The following ARFGAP3 variants were observed in gnomAD, a reference collection of about 807,000 sequenced individuals.
ARFGAP3 encodes ARF GTPase activating protein 3, also known as ADP-ribosylation factor GTPase-activating protein 3.
In ARFGAP3, 72 loss-of-function variants were observed where a neutral mutation model predicts 75.0. That is an observed-to-expected ratio of 0.96 (90% CI 0.79 to 1.17). ARFGAP3 has a LOEUF of 1.17. Among genes scored for constraint, ARFGAP3 ranks in the 50% most tolerant of loss-of-function variants. The pLI, the probability that ARFGAP3 is intolerant of heterozygous loss-of-function variation, is 0.00. For missense variants in ARFGAP3, 620 were observed against 626.6 expected (o/e 0.99, Z 0.11); for synonymous variants, 221 against 217.9 (o/e 1.01, Z -0.13).
chr22:42,804,525 GC>G (rs542746146), intron 14 of ARFGAP3, among the ~76,000 whole-genome samples: 7 of 152,108 alleles, frequency 4.6e-5, no homozygotes, highest in African/African-American at 1.7e-4. Context: ...GGGACTACAG[GC>G]ACATGCCACC....
chr22:42,811,474 T>C (rs932191331), intron 11 of ARFGAP3, among the ~76,000 whole-genome samples: 8 of 152,244 alleles, frequency 5.3e-5, no homozygotes, highest in African/African-American at 1.7e-4. Flanking sequence ...ATAACACTGC[T>C]GGGCCTAGAG....
chr22:42,821,248 C>T (rs779977283), intron 9 of ARFGAP3, among the ~76,000 whole-genome samples: 2 of 152,196 alleles, frequency 1.3e-5, no homozygotes, highest in South Asian at 4.1e-4. Flanking sequence ...AATTCACATA[C>T]CGTAAAACTC....
chr22:42,841,001 A>T lies in ARFGAP3; in HGVS notation c.204T>A (p.Asp68Glu). ...HLSFIRSTEL[D>E]SNWSWFQLRC... ...GCAACTGAAACCATGACCAGTTGGA[A>T]TCCAACTCTGTAGATCTAAATGGAA... Residue 68 changes from aspartate to glutamate, a missense_variant, in exon 3 of 16, where the codon GAT becomes GAA. Physicochemically the swap from Asp to Glu is conservative, Grantham distance 45. Coordinates refer to ENST00000263245, the MANE Select transcript of ARFGAP3 (RefSeq NM_014570.5). The T allele has an allele frequency of 1.2e-6, 2 of 1,614,076 alleles. No homozygotes were observed.
At chr22:42,825,447 G>GCAGAT (rs1416378039) in intron 7 of ARFGAP3, among the ~76,000 whole-genome samples, 1 of 152,078 alleles carries the variant, frequency 6.6e-6, no homozygotes, top group African/African-American at 2.4e-5. Flanking sequence ...GCCAAGGCGG[G>GCAGAT]CAGATCACCT....
At chr22:42,813,826 C>T (rs1925470413) in intron 11 of ARFGAP3, among the ~76,000 whole-genome samples, 1 of 152,224 alleles carries the variant, frequency 6.6e-6, no homozygotes, top group Non-Finnish European at 1.5e-5. Flanking sequence ...CCACTAGTCC[C>T]TGCTCAGAAA....
chr22:42,823,757 T>C, intron 7 of ARFGAP3, 55 bp from the exon 8 acceptor site: 2 of 1,416,778 alleles, frequency 1.4e-6, no homozygotes, highest in Non-Finnish European at 1.9e-6. Flanking sequence ...TTTTCTTTTT[T>C]AGTGTGTCTT....
intron 7 of ARFGAP3, among the ~76,000 whole-genome samples, chr22:42,825,939 C>T (rs1926018976): frequency 6.6e-6 from 1 of 152,048 alleles, no homozygotes; most frequent in Admixed American, 6.5e-5. Flanking sequence ...CAAAAGATAA[C>T]AATCTTTAGC....
intron 3 of ARFGAP3, 108 bp downstream of exon 3, chr22:42,840,836 G>T: frequency 8.6e-7 from 1 of 1,165,588 alleles, no homozygotes; most frequent in Non-Finnish European, 1.2e-6. Flanking sequence ...CTCCCAAATG[G>T]CTGAGATTAC....
chr22:42,854,431 C>A (rs1927410637), intron 1 of ARFGAP3, among the ~76,000 whole-genome samples: 2 of 152,118 alleles, frequency 1.3e-5, no homozygotes, highest in Admixed American at 6.5e-5. Flanking sequence ...TTGAGACCAG[C>A]CTGGCCAATA....
intron 4 of ARFGAP3, 120 bp downstream of exon 4, chr22:42,835,242 G>T: frequency 8.7e-7 from 1 of 1,144,886 alleles, no homozygotes; most frequent in Non-Finnish European, 1.2e-6. Context: ...AGAATCTACT[G>T]TACACTAATT....
At chr22:42,852,659 C>T (rs1320694338) in intron 1 of ARFGAP3, among the ~76,000 whole-genome samples, 1 of 152,124 alleles carries the variant, frequency 6.6e-6, no homozygotes, top group Non-Finnish European at 1.5e-5. Context: ...CTGTGTCTGG[C>T]CGAAATTCTT....
At chr22:42,855,629 G>A (rs1413147856) in intron 1 of ARFGAP3, among the ~76,000 whole-genome samples, 1 of 151,848 alleles carries the variant, frequency 6.6e-6, no homozygotes, top group Non-Finnish European at 1.5e-5. Context: ...GTTGCAGTGA[G>A]CTGAGATCGC....
At chr22:42,856,538 G>A (rs1927508873) in intron 1 of ARFGAP3, among the ~76,000 whole-genome samples, 1 of 152,102 alleles carries the variant, frequency 6.6e-6, no homozygotes, top group African/African-American at 2.4e-5. Flanking sequence ...AAAGAGAACC[G>A]AGGAGAGGGA....
chr22:42,804,776 A>G (rs373343042), intron 14 of ARFGAP3, among the ~76,000 whole-genome samples: 2 of 152,294 alleles, frequency 1.3e-5, no homozygotes, highest in Non-Finnish European at 1.5e-5. Context: ...TCGGCCTCCC[A>G]AAGTGTTGGG....
At chr22:42,797,662 C>CA in intron 15 of ARFGAP3, 57 bp from the exon 16 acceptor site, 1 of 1,613,854 alleles carries the variant, frequency 6.2e-7, no homozygotes, top group Non-Finnish European at 8.5e-7. Flanking sequence ...CCCTGACTCC[C>CA]ACGCCCTGAA....
Position 42,832,392 on chromosome 22 carries a change from G to T in ARFGAP3, c.478-756C>A, listed in dbSNP as rs905959594. Among the ~76,000 whole-genome samples, 20 of 151,620 alleles carry T rather than the reference G, an allele frequency of 1.3e-4. 1 individual carries two copies. The highest frequency in any genetic ancestry group is 4.8e-4 in the African/African-American group (20 of 41,272). ...AAATTACAAAAAAAATTAGCCAGGC[G>T]TGGTGGTGTGGGCCTGTAATCCCAA... On this transcript the variant is annotated intron_variant, in intron 5 of 15. Transcript: ENST00000263245.
chr22:42,835,375 T>C lies in ARFGAP3; in HGVS notation c.380A>G (p.Lys127Arg). ...IKSLASQATR[K>R]HGTDLWLDSC... ...CCAGTGACTTACATCAGTGCCATGC[T>C]TCCGTGTTGCTTGAGAGGCGAGCGA... The change falls in exon 4 of 16, where the codon AAG (lysine) becomes AGG (arginine). Residue 127 changes from lysine (K) to arginine (R), a missense_variant. Transcript: ENST00000263245. The C allele has an allele frequency of 6.2e-7, 1 of 1,614,056 alleles. No homozygotes were observed.
At position 42,810,948 on chromosome 22, in the gene ARFGAP3, T is replaced by C. The variant is rs1925344290; in HGVS notation, c.1065-4A>G. 6.2e-7 allele frequency: 1 copy of C among 1,613,840 alleles called. No individual in the cohort carries two copies. Among genetic ancestry groups the C allele is most frequent in the Non-Finnish European group, 8.5e-7 (1 of 1,179,784 alleles). ...CTCCACTGGCTCGTCAAAGTAACTG[T>C]AGGAGCAAGAGTACAACAGTGACTT... is the stretch of plus-strand genomic sequence containing the variant. On this transcript the variant is annotated splice_region_variant and splice_polypyrimidine_tract_variant and intron_variant, in intron 11 of 15. Coordinates refer to ENST00000263245, the MANE Select transcript of ARFGAP3 (RefSeq NM_014570.5).
At chr22:42,823,795 T>C (rs1040560216) in intron 7 of ARFGAP3, 93 bp from the exon 8 acceptor site, 3 of 1,247,566 alleles carry the variant, frequency 2.4e-6, no homozygotes, top group Admixed American at 6.8e-5. Flanking sequence ...TGCACTTTAT[T>C]ATTTAAGAGA....
Sources: allele counts gnomAD v4.1 joint callset (sites outside exome capture counted in the v4.1 genomes callset), GRCh38; gene constraint gnomAD v4.1.1; transcripts MANE v1.5; gene names NCBI Gene and HGNC (gene_info 2026-07-23, HGNC 2026-07-21).